Variants in RAD17 observed in about 807,000 individuals in gnomAD.
RAD17 encodes cell cycle checkpoint protein RAD17.
RAD17 carries 31 observed loss-of-function variants against 81.5 expected under a neutral mutation model. That is an observed-to-expected ratio of 0.38 (90% confidence interval 0.29 to 0.51). The LOEUF is 0.51. RAD17 is among the 20% of genes least tolerant of loss of function. The pLI, the probability that RAD17 is intolerant of heterozygous loss-of-function variation, is 0.88. For missense variants in RAD17, 681 were observed against 781.2 expected (o/e 0.87, Z 1.53); for synonymous variants, 261 against 266.2 (o/e 0.98, Z 0.19).
intron 17 of RAD17, among the ~76,000 whole-genome samples, chr5:69,405,464 C>T (rs894111635): frequency 6.6e-6 from 1 of 150,476 alleles, no homozygotes; most frequent in Non-Finnish European, 1.5e-5. Context: ...GTCGGGAGTT[C>T]GAGACTAGCC....
At chr5:69,396,902 G>A (rs1341671102) in intron 16 of RAD17, among the ~76,000 whole-genome samples, 2 of 151,870 alleles carry the variant, frequency 1.3e-5, no homozygotes, top group Non-Finnish European at 1.5e-5. Flanking sequence ...GCATGATCTC[G>A]GCTCACTGCA....
chr5:69,390,240 A>G (rs1245955421), intron 12 of RAD17, among the ~76,000 whole-genome samples: 5 of 152,310 alleles, frequency 3.3e-5, no homozygotes, highest in East Asian at 3.9e-4. Context: ...TAATTCTCAT[A>G]TCAACCTGAT....
chr5:69,372,530 A>G (rs1262926854), intron 4 of RAD17, among the ~76,000 whole-genome samples: 10 of 152,148 alleles, frequency 6.6e-5, no homozygotes, highest in Non-Finnish European at 1.5e-5. Flanking sequence ...TTCTAGATTT[A>G]TGCTATTAGA....
At chr5:69,390,974 A>G (rs1372054443) in intron 12 of RAD17, among the ~76,000 whole-genome samples, 4 of 149,956 alleles carry the variant, frequency 2.7e-5, no homozygotes, top group African/African-American at 9.8e-5. Flanking sequence ...AAGGCCGGGC[A>G]TGGTGGCTCA....
At position 69,389,240 on chromosome 5, in the gene RAD17, T is replaced by G. The variant is rs148033005; in HGVS notation, c.1006+95T>G. The G allele has an allele frequency of 4.9e-4, 335 of 687,026 alleles. No individual in the cohort carries two copies. The African/African-American group carries it at 5.8e-3, about 12-fold the overall frequency. The allele number at this position is 687,026 out of a possible 1,614,324, so 42.6% of individuals were successfully genotyped here. A position where few individuals can be genotyped will look rare whatever the true frequency, so the allele number is the denominator to read the frequency against. ...ATCAAACATTTTAACTTACATTTGG[T>G]CTATACCTATTTATCCTTCTTTATT... On this transcript the variant is annotated intron_variant, in intron 12 of 18. Transcript: ENST00000354868.
intron 6 of RAD17, among the ~76,000 whole-genome samples, chr5:69,376,161 A>G (rs1223795100): frequency 1.3e-5 from 2 of 152,206 alleles, no homozygotes; most frequent in African/African-American, 4.8e-5. Flanking sequence ...ATGAAAGTCA[A>G]AAATCTTCAT....
rs903241726 is a variant in RAD17 at position 69,373,986 on chromosome 5, G to C, written c.166G>C (p.Gly56Arg). 6 of 1,612,992 alleles carry C rather than the reference G, an allele frequency of 3.7e-6. No homozygotes were observed. The African/African-American group carries it at 5.3e-5, about 14-fold the overall frequency. The change falls in exon 5 of 19, where the codon GGA (glycine) becomes CGA (arginine). Residue 56 changes from glycine (G) to arginine (R), a missense_variant. Physicochemically the swap from Gly to Arg is moderately radical, Grantham distance 125. Coordinates refer to ENST00000354868, the MANE Select transcript of RAD17 (RefSeq NM_133338.3). Reference sequence around the variant, plus strand: ...CAGCAGATTTCCAGCGAGAAAAAGAGGAAATCTATCTTCCTTAGAACAGAT... The same window carrying C: ...CAGCAGATTTCCAGCGAGAAAAAGACGAAATCTATCTTCCTTAGAACAGAT... Reference protein sequence around the residue: ...ESSRFPARKRGNLSSLEQIYG... With the variant: ...ESSRFPARKRRNLSSLEQIYG...
intron 15 of RAD17, among the ~76,000 whole-genome samples, chr5:69,395,983 C>T (rs1174946326): frequency 2.0e-5 from 3 of 152,258 alleles, no homozygotes; most frequent in South Asian, 2.1e-4. Context: ...AGCCACTGCG[C>T]CCAGCTGCAT....
intron 13 of RAD17, among the ~76,000 whole-genome samples, chr5:69,392,484 C>T (rs781488598): frequency 2.2e-4 from 34 of 152,180 alleles, no homozygotes; most frequent in Admixed American, 7.9e-4. Context: ...ACTGCTCCCC[C>T]TCAGTTCTTT....
At chr5:69,371,248 C>T (rs1190964090) in intron 2 of RAD17, 77 bp downstream of exon 2, 1 of 530,396 alleles carries the variant, frequency 1.9e-6, no homozygotes, top group Admixed American at 2.7e-5. Flanking sequence ...AAACTCTTAA[C>T]ACCACAAGTA....
intron 17 of RAD17, among the ~76,000 whole-genome samples, chr5:69,409,930 T>G (rs1765862691): frequency 2.6e-5 from 4 of 152,202 alleles, no homozygotes; most frequent in Admixed American, 2.6e-4. Flanking sequence ...CAATATTTGT[T>G]CTTTTGTGAC....
chr5:69,391,835 A>G lies in RAD17; in HGVS notation c.1011A>G (p.Glu337=), dbSNP rs768325691. The change falls in exon 13 of 19, where the codon GAA becomes GAG. Residue 337 remains glutamate (E), a synonymous_variant. Transcript: ENST00000354868. ...NSLQFSSSKG[E]NNLRPRKKGM... ...ACTTGGATGTATATTATTCAGGAGA[A>G]AACAACTTACGGCCAAGGAAAAAAG... The G allele has an allele frequency of 6.5e-7, 1 of 1,529,598 alleles. No individual in the cohort carries two copies. Among genetic ancestry groups the G allele is most frequent in the Non-Finnish European group, 8.7e-7 (1 of 1,143,946 alleles). The allele number at this position is 1,529,598 out of a possible 1,614,324, so 94.8% of individuals were successfully genotyped here.
At chr5:69,376,032 A>T (rs1016890177) in intron 6 of RAD17, among the ~76,000 whole-genome samples, 6 of 152,194 alleles carry the variant, frequency 3.9e-5, no homozygotes, top group Non-Finnish European at 8.8e-5. Flanking sequence ...GGGCTTGATT[A>T]GACTCAAGTT....
At position 69,372,109 on chromosome 5, in the gene RAD17, GAA is replaced by G. The variant is rs1327516535; in HGVS notation, c.-98_-97del. Reference sequence around the variant, plus strand: ...TAATTTGCAAATCAGAATTGCTGTCGAAAGTTTTACTATAATGAAAGATATTT... The same window carrying G: ...TAATTTGCAAATCAGAATTGCTGTCGAGTTTTACTATAATGAAAGATATTT... On this transcript the variant is annotated 5_prime_UTR_variant, in exon 4 of 19. It removes the in-frame stop codon of an upstream open reading frame in the 5' UTR. Coordinates refer to ENST00000354868, the MANE Select transcript of RAD17 (RefSeq NM_133338.3). 6.8e-7 allele frequency: 1 copy of G among 1,462,208 alleles called. No individual in the cohort carries two copies. The highest frequency in any genetic ancestry group is 9.2e-7 in the Non-Finnish European group (1 of 1,084,744). The allele number at this position is 1,462,208 out of a possible 1,614,324, so 90.6% of individuals were successfully genotyped here. A position where few individuals can be genotyped will look rare whatever the true frequency, so the allele number is the denominator to read the frequency against.
chr5:69,371,443 C>G lies in RAD17; in HGVS notation c.-279-11C>G, dbSNP rs1026166809. ...CTTCATTTGAGGGCTTCTTCCCCCCCCCCCCCCCAGGTGAATTATAGTTTA... is the reference window on the plus strand; with the variant it reads ...CTTCATTTGAGGGCTTCTTCCCCCCGCCCCCCCCAGGTGAATTATAGTTTA... On this transcript the variant is annotated splice_polypyrimidine_tract_variant and intron_variant, in intron 2 of 18. Transcript: ENST00000354868. 2.0e-4 allele frequency: 100 copies of G among 498,092 alleles called. 14 individuals are homozygous for G. The East Asian group carries it at 3.9e-3, about 19-fold the overall frequency. 30.9% of individuals were successfully genotyped at this position (498,092 alleles called of 1,614,324 possible).
chr5:69,369,397 G>A (rs1762744495), upstream of RAD17: 21 of 1,569,042 alleles, frequency 1.3e-5, no homozygotes, highest in African/African-American at 4.2e-5. Flanking sequence ...CTGGGCGCCC[G>A]ATGCCCAGAG....
At chr5:69,374,325 T>A (rs1381905500) in intron 5 of RAD17, among the ~76,000 whole-genome samples, 2 of 152,216 alleles carry the variant, frequency 1.3e-5, no homozygotes, top group African/African-American at 4.8e-5. Flanking sequence ...TTGATCTTTT[T>A]AAAAATTTTT....
intron 18 of RAD17, among the ~76,000 whole-genome samples, chr5:69,412,817 T>C (rs978242666): frequency 8.6e-5 from 13 of 151,450 alleles, no homozygotes; most frequent in African/African-American, 3.2e-4. Flanking sequence ...GGTGAAACCC[T>C]ATCTCTGCTA....
Position 69,382,129 on chromosome 5 carries a change from C to G in RAD17, c.508+72C>G, listed in dbSNP as rs963762306. 3 of 1,482,770 alleles carry G rather than the reference C, an allele frequency of 2.0e-6. No individual in the cohort carries two copies. The Admixed American group carries it at 6.4e-5, about 32-fold the overall frequency. The allele number at this position is 1,482,770 out of a possible 1,614,324, so 91.9% of individuals were successfully genotyped here. On this transcript the variant is annotated intron_variant, in intron 7 of 18. Transcript: ENST00000354868. ...CTTAAGGGAGCTTTCAGATAAAGTT[C>G]TATGAGTGCATTTTTTCCCATACTT...
Sources: allele counts gnomAD v4.1 joint callset (sites outside exome capture counted in the v4.1 genomes callset), GRCh38; gene constraint gnomAD v4.1.1; transcripts MANE v1.5; gene names NCBI Gene and HGNC (gene_info 2026-07-23, HGNC 2026-07-21).